TTC39C: variants seen among roughly 807,000 people sequenced by gnomAD.
The protein encoded by TTC39C is tetratricopeptide repeat protein 39C.
In TTC39C, 33 loss-of-function variants were observed where a neutral mutation model predicts 76.3. The observed-to-expected ratio is 0.43, with a 90% CI of 0.33 to 0.58. The LOEUF is 0.58. Ranked by LOEUF, TTC39C falls within the 20% of genes least tolerant of loss-of-function variation. The pLI, the probability that TTC39C is intolerant of heterozygous loss-of-function variation, is 0.04. For missense variants in TTC39C, 595 were observed against 701.4 expected (o/e 0.85, Z 1.71); for synonymous variants, 254 against 260.6 (o/e 0.97, Z 0.24).
rs1214728257 is a variant in TTC39C, at chr18:24,099,027, GTGTGTGTGTATA to G, written c.985-15525_985-15514del. On this transcript the variant is annotated intron_variant, in intron 6 of 13. Coordinates refer to ENST00000317571, the MANE Select transcript of TTC39C (RefSeq NM_001135993.2). ...GGAATGTGTGTGTGTGTGTGTGTGT[GTGTGTGTGTATA>G]TATATATCTATACACGTATATACAT... 1.3e-4 allele frequency among the ~76,000 whole-genome samples: 19 copies of G among 147,294 alleles called. No homozygotes were observed. The South Asian group carries it at 3.9e-3, about 30-fold the overall frequency.
At chr18:24,070,444 G>A (rs977555461) in intron 4 of TTC39C, among the ~76,000 whole-genome samples, 1 of 152,114 alleles carries the variant, frequency 6.6e-6, no homozygotes, top group African/African-American at 2.4e-5. Context: ...ATATAAAAGA[G>A]TACCAGAGCT....
At chr18:24,029,792 T>C (rs1351397132) in intron 1 of TTC39C, among the ~76,000 whole-genome samples, 1 of 152,254 alleles carries the variant, frequency 6.6e-6, no homozygotes. Flanking sequence ...CTTAGAATGA[T>C]GGTCTCCAGC....
chr18:24,022,981 G>A lies in TTC39C; in HGVS notation c.167+7943G>A, dbSNP rs112214816. On this transcript the variant is annotated intron_variant, in intron 1 of 13. Transcript: ENST00000317571. ...ATCAAAATTGTTTACACATCTGCCT[G>A]TCTGCATGAGAGGGCTGAGATGCTA... 1,013 of 669,640 alleles carry A rather than the reference G, an allele frequency of 1.5e-3. 14 individuals are homozygous for A. The African/African-American group carries it at 0.019, about 13-fold the overall frequency. 41.5% of individuals were successfully genotyped at this position (669,640 alleles called of 1,614,324 possible).
At chr18:24,108,153 A>G (rs1246607574) in intron 6 of TTC39C, among the ~76,000 whole-genome samples, 1 of 152,272 alleles carries the variant, frequency 6.6e-6, no homozygotes, top group African/African-American at 2.4e-5. Context: ...TCCCTGCAGC[A>G]GTCACCTCTT....
chr18:24,098,594 C>T (rs371116141), intron 6 of TTC39C, among the ~76,000 whole-genome samples: 22 of 130,924 alleles, frequency 1.7e-4, no homozygotes, highest in African/African-American at 6.3e-4. Context: ...TTCCTCTCTC[C>T]CTCCCTTTCT....
intron 1 of TTC39C, among the ~76,000 whole-genome samples, chr18:24,057,459 G>A (rs1422069963): frequency 1.3e-5 from 2 of 152,008 alleles, no homozygotes; most frequent in Admixed American, 1.3e-4. Context: ...GCCCTCCTTT[G>A]GGCTCCTTCT....
At chr18:23,997,653 A>AGAAAGAAAGAAAGAAAGAAG (rs1422748388) in intron 1 of TTC39C, among the ~76,000 whole-genome samples, 2,411 of 36,392 alleles carry the variant, frequency 0.066, 375 homozygotes, top group East Asian at 0.12. Context: ...GGAAGGAAGG[A>AGAAAGAAAGAAAGAAAGAAG]GAAAGAAAGA....
intron 4 of TTC39C, among the ~76,000 whole-genome samples, chr18:24,078,836 C>A (rs1057257972): frequency 1.3e-5 from 2 of 152,206 alleles, no homozygotes; most frequent in Admixed American, 6.5e-5. Context: ...GTGAGCCACT[C>A]TTATCAGTCC....
chr18:24,079,129 T>C (rs1397340453), intron 4 of TTC39C, among the ~76,000 whole-genome samples: 1 of 152,322 alleles, frequency 6.6e-6, no homozygotes, highest in Admixed American at 6.5e-5. Context: ...CATTTGTACA[T>C]GAGGGTCAGA....
At chr18:24,073,934 C>A (rs912742196) in intron 4 of TTC39C, among the ~76,000 whole-genome samples, 5 of 152,218 alleles carry the variant, frequency 3.3e-5, no homozygotes, top group African/African-American at 1.2e-4. Flanking sequence ...AGGCTACATA[C>A]CCCTTGAGGG....
upstream of TTC39C, among the ~76,000 whole-genome samples, chr18:24,011,796 T>G (rs1210058820): frequency 6.6e-6 from 1 of 152,194 alleles, no homozygotes; most frequent in East Asian, 1.9e-4. Context: ...CTTTTTCTCT[T>G]TTTTTCTCCC....
chr18:24,026,834 C>G (rs530367667), intron 1 of TTC39C, among the ~76,000 whole-genome samples: 1 of 152,072 alleles, frequency 6.6e-6, no homozygotes, highest in African/African-American at 2.4e-5. Context: ...GTTATCACTC[C>G]GTAAAATAAG....
chr18:24,014,978 G>A lies in TTC39C; in HGVS notation c.107G>A (p.Gly36Asp). 6 of 1,529,072 alleles carry A rather than the reference G, an allele frequency of 3.9e-6. No individual in the cohort carries two copies. The highest frequency in any genetic ancestry group is 5.3e-6 in the Non-Finnish European group (6 of 1,137,962). The allele number at this position is 1,529,072 out of a possible 1,614,324, so 94.7% of individuals were successfully genotyped here. The change falls in exon 1 of 14, where the codon GGC (glycine) becomes GAC (aspartate). Residue 36 changes from glycine (G) to aspartate (D), a missense_variant. Transcript: ENST00000317571. ...PLQDAELALA[G>D]INMLLNNGFR... ...CAGGACGCGGAGCTGGCCCTGGCCGGCATCAACATGCTGCTCAACAACGGC... is the reference window on the plus strand; with the variant it reads ...CAGGACGCGGAGCTGGCCCTGGCCGACATCAACATGCTGCTCAACAACGGC...
At chr18:24,002,757 C>T (rs1469576299) in intron 1 of TTC39C, among the ~76,000 whole-genome samples, 2 of 152,098 alleles carry the variant, frequency 1.3e-5, no homozygotes, top group African/African-American at 2.4e-5. Flanking sequence ...ACTGAGTGAA[C>T]GTATGTATCC....
At chr18:24,070,702 G>A (rs1486963033) in intron 4 of TTC39C, among the ~76,000 whole-genome samples, 2 of 151,950 alleles carry the variant, frequency 1.3e-5, no homozygotes, top group Non-Finnish European at 2.9e-5. Context: ...AAATTAGCTG[G>A]GTGTGGTGGT....
chr18:24,000,866 G>A (rs1172318204), intron 1 of TTC39C, among the ~76,000 whole-genome samples: 3 of 152,114 alleles, frequency 2.0e-5, no homozygotes, highest in African/African-American at 4.8e-5. Flanking sequence ...CAGTAATCTC[G>A]TGAAGTAAAC....
chr18:24,025,971 G>C (rs1568409873), intron 1 of TTC39C, among the ~76,000 whole-genome samples: 1 of 152,170 alleles, frequency 6.6e-6, no homozygotes, highest in African/African-American at 2.4e-5. Flanking sequence ...TCCCTTGAGA[G>C]GTAAAGAGCC....
Position 24,123,944 on chromosome 18 carries a change from G to A in TTC39C, c.1296+1G>A. The A allele has an allele frequency of 6.2e-7, 1 of 1,601,990 alleles. No individual in the cohort carries two copies. The highest frequency in any genetic ancestry group is 8.5e-7 in the Non-Finnish European group (1 of 1,173,680). On this transcript the variant is annotated splice_donor_variant, in intron 9 of 13. Transcript: ENST00000317571. LOFTEE classifies it high-confidence loss of function. ...GATTGAACAGTTCTCGGTGAAAAAG[G>A]TATGTTGGAGCCTATTGATCTGGTG...
chr18:24,062,411 T>C (rs2084112122), intron 1 of TTC39C, among the ~76,000 whole-genome samples: 1 of 152,198 alleles, frequency 6.6e-6, no homozygotes, highest in Non-Finnish European at 1.5e-5. Context: ...AAACACCTGC[T>C]ATGTGTGTAA....
Sources: allele counts gnomAD v4.1 joint callset (sites outside exome capture counted in the v4.1 genomes callset), GRCh38; gene constraint gnomAD v4.1.1; transcripts MANE v1.5; gene names NCBI Gene and HGNC (gene_info 2026-07-23, HGNC 2026-07-21).